Variants in PIP4K2A observed in about 807,000 individuals in gnomAD.
PIP4K2A encodes the protein phosphatidylinositol-5-phosphate 4-kinase type 2 alpha, also known as phosphatidylinositol 5-phosphate 4-kinase type-2 alpha.
In PIP4K2A, 14 loss-of-function variants were observed where a neutral mutation model predicts 42.9. The ratio of observed to expected loss-of-function variants is 0.33; its 90% CI spans 0.22 to 0.51. The LOEUF is 0.51. Among genes scored for constraint, PIP4K2A ranks in the 20% least tolerant of loss-of-function variants. PIP4K2A has a pLI of 0.97. For missense variants in PIP4K2A, 434 were observed against 519.8 expected (o/e 0.83, Z 1.61); for synonymous variants, 192 against 192.2 (o/e 1.00, Z 0.01).
At chr10:22,605,032 C>T (rs551946889) in intron 3 of PIP4K2A, among the ~76,000 whole-genome samples, 3 of 152,152 alleles carry the variant, frequency 2.0e-5, no homozygotes, top group African/African-American at 7.2e-5. Flanking sequence ...TGGGATACAG[C>T]CCCAGATTTA....
rs1183494768 is a variant in PIP4K2A at position 22,567,547 on chromosome 10, T to C, written c.678+304A>G. 5.0e-6 allele frequency: 3 copies of C among 605,920 alleles called. No individual in the cohort carries two copies. In the African/African-American group the frequency reaches 5.4e-5, roughly 11 times the overall value. The allele number at this position is 605,920 out of a possible 1,614,324, so 37.5% of individuals were successfully genotyped here. A position where few individuals can be genotyped will look rare whatever the true frequency, so the allele number is the denominator to read the frequency against. On this transcript the variant is annotated intron_variant, in intron 6 of 9. Coordinates refer to ENST00000376573, the MANE Select transcript of PIP4K2A (RefSeq NM_005028.5). ...GCAGGAACGCACTCTCAGCTGTCAG[T>C]GCCATTTTCGATTATAGGTTTACTG...
intron 1 of PIP4K2A, among the ~76,000 whole-genome samples, chr10:22,654,930 G>A (rs1275900885): frequency 6.6e-6 from 1 of 152,076 alleles, no homozygotes; most frequent in Non-Finnish European, 1.5e-5. Context: ...AAAATGCAGG[G>A]GACAGAAATG....
chr10:22,578,884 G>A (rs1241586057), intron 4 of PIP4K2A, among the ~76,000 whole-genome samples: 6 of 152,102 alleles, frequency 3.9e-5, no homozygotes, highest in Non-Finnish European at 7.4e-5. Flanking sequence ...AACCCAAGAT[G>A]TTTCCTACAG....
intron 1 of PIP4K2A, among the ~76,000 whole-genome samples, chr10:22,704,212 G>A (rs1833767687): frequency 6.6e-6 from 1 of 152,034 alleles, no homozygotes; most frequent in Admixed American, 6.6e-5. Flanking sequence ...CACAGGCCTG[G>A]GGCATTCCAA....
chr10:22,604,730 C>A (rs868191775), intron 3 of PIP4K2A, among the ~76,000 whole-genome samples: 1 of 152,108 alleles, frequency 6.6e-6, no homozygotes, highest in Non-Finnish European at 1.5e-5. Context: ...CAGAGGCGGC[C>A]GGTGGGAGAC....
chr10:22,690,678 T>C (rs1839850277), intron 1 of PIP4K2A, among the ~76,000 whole-genome samples: 1 of 152,216 alleles, frequency 6.6e-6, no homozygotes, highest in Admixed American at 6.5e-5. Context: ...CATCCTTACC[T>C]CATTCTGTCC....
chr10:22,539,897 G>C lies in PIP4K2A; in HGVS notation c.1140+74C>G, dbSNP rs541540242. On this transcript the variant is annotated intron_variant, in intron 9 of 9. Transcript: ENST00000376573. ...ACACAGAGGAGCCAGGAGAGAGAGA[G>C]AGAGAGAGAGAGAGGGAGAGAGAGA... 6 of 684,242 alleles carry C rather than the reference G, an allele frequency of 8.8e-6. No homozygotes were observed. The Admixed American group carries it at 1.1e-4, about 13-fold the overall frequency. 42.4% of individuals were successfully genotyped at this position (684,242 alleles called of 1,614,324 possible).
intron 1 of PIP4K2A, among the ~76,000 whole-genome samples, chr10:22,620,129 A>T (rs1406485259): frequency 6.6e-6 from 1 of 152,056 alleles, no homozygotes; most frequent in African/African-American, 2.4e-5. Context: ...ATAGACACAA[A>T]CTCTCCCATC....
chr10:22,536,616 A>G lies in PIP4K2A; in HGVS notation c.*585T>C, dbSNP rs1009964571. The G allele has an allele frequency of 6.8e-6, 1 of 147,568 alleles. No homozygotes were observed. The highest frequency in any genetic ancestry group is 7.3e-5 in the Admixed American group (1 of 13,746). 9.1% of individuals were successfully genotyped at this position (147,568 alleles called of 1,614,324 possible). On this transcript the variant is annotated 3_prime_UTR_variant, in exon 10 of 10. Transcript: ENST00000376573. The stretch of plus-strand genomic sequence containing the variant: ...TCTGCGTGCGGGGTAGAAATGGAAC[A>G]TTCGCTGTAGGTTTTTTCCTTGGAA...
chr10:22,664,062 C>CACGT (rs1554807179), intron 1 of PIP4K2A, among the ~76,000 whole-genome samples: 1 of 70,230 alleles, frequency 1.4e-5, no homozygotes, highest in African/African-American at 1.3e-4. Flanking sequence ...TGTATATATA[C>CACGT]ATATATATAT....
chr10:22,661,348 C>CT, intron 1 of PIP4K2A, among the ~76,000 whole-genome samples: 2 of 119,988 alleles, frequency 1.7e-5, no homozygotes, highest in African/African-American at 5.7e-5. Context: ...GATGATGCTG[C>CT]CTTTTTTTTT....
intron 1 of PIP4K2A, among the ~76,000 whole-genome samples, chr10:22,687,544 G>GACACAC (rs137860168): frequency 4.7e-5 from 7 of 149,860 alleles, no homozygotes; most frequent in Non-Finnish European, 6.0e-5. Flanking sequence ...TACGAAAGCA[G>GACACAC]ACACACACAC....
chr10:22,579,071 T>G (rs933007771), intron 4 of PIP4K2A, among the ~76,000 whole-genome samples: 3 of 151,248 alleles, frequency 2.0e-5, no homozygotes, highest in African/African-American at 7.3e-5. Flanking sequence ...ACACAATAAG[T>G]AGGAAAAAAG....
chr10:22,583,260 G>T (rs763939864), intron 4 of PIP4K2A, among the ~76,000 whole-genome samples: 23 of 152,242 alleles, frequency 1.5e-4, no homozygotes, highest in Non-Finnish European at 2.2e-4. Flanking sequence ...CTGGCAGGGA[G>T]CTTTGACAAG....
chr10:22,677,551 G>A (rs1037956214), intron 1 of PIP4K2A, among the ~76,000 whole-genome samples: 3 of 152,212 alleles, frequency 2.0e-5, no homozygotes, highest in African/African-American at 7.2e-5. Context: ...GGATCCTGCA[G>A]AATGATGAAA....
At chr10:22,615,792 A>G (rs559970456) in intron 1 of PIP4K2A, among the ~76,000 whole-genome samples, 8 of 152,308 alleles carry the variant, frequency 5.3e-5, no homozygotes, top group African/African-American at 1.7e-4. Flanking sequence ...ATGGTTGTCA[A>G]TCCCCTTTGG....
rs534269088 is a variant in PIP4K2A, at chr10:22,553,619, C to T, written c.679-2847G>A. Among the ~76,000 whole-genome samples, 92 of 152,140 alleles carry T rather than the reference C, an allele frequency of 6.0e-4. No individual in the cohort carries two copies. In the South Asian group the frequency reaches 0.016, roughly 26 times the overall value. ...GGTGAGTGATGAGCTGAGATGGGAA[C>T]CTTAATCATTCTGCTAAGGTAGAGT... On this transcript the variant is annotated intron_variant, in intron 6 of 9. Transcript: ENST00000376573.
chr10:22,664,232 C>CATATATAT (rs1588694417), intron 1 of PIP4K2A, among the ~76,000 whole-genome samples: 1 of 98,250 alleles, frequency 1.0e-5, no homozygotes, highest in Non-Finnish European at 2.1e-5. Context: ...TATATATACA[C>CATATATAT]ACACACACAC....
chr10:22,688,778 G>A (rs1420251314), intron 1 of PIP4K2A, among the ~76,000 whole-genome samples: 1 of 152,146 alleles, frequency 6.6e-6, no homozygotes, highest in Non-Finnish European at 1.5e-5. Flanking sequence ...CAGAAGTTGT[G>A]ACATTTCAAC....
Sources: allele counts gnomAD v4.1 joint callset (sites outside exome capture counted in the v4.1 genomes callset), GRCh38; gene constraint gnomAD v4.1.1; transcripts MANE v1.5; gene names NCBI Gene and HGNC (gene_info 2026-07-23, HGNC 2026-07-21).